SH2D4A: variants seen among roughly 807,000 people sequenced by gnomAD.
SH2D4A encodes the protein SH2 domain-containing protein 4A.
Under a neutral mutation model 64.7 loss-of-function variants are expected in SH2D4A, and 70 were observed. That is an observed-to-expected ratio of 1.08 (90% CI 0.89 to 1.32). SH2D4A has a LOEUF of 1.32. Ranked by LOEUF, SH2D4A falls within the 40% of genes most tolerant of loss-of-function variation. The pLI is 0.00. For missense variants in SH2D4A, 706 were observed against 540.1 expected, an observed-to-expected ratio of 1.31 and a Z score of -3.04; for synonymous variants, 268 against 200.7, an observed-to-expected ratio of 1.34 and a Z score of -2.83.
At chr8:19,356,569 C>T (rs2052795155) in intron 4 of SH2D4A, among the ~76,000 whole-genome samples, 1 of 152,146 alleles carries the variant, frequency 6.6e-6, no homozygotes. Context: ...ACTTGTGATG[C>T]CAGAGGGTTG....
At chr8:19,348,019 A>G (rs991399586) in intron 4 of SH2D4A, among the ~76,000 whole-genome samples, 3 of 152,208 alleles carry the variant, frequency 2.0e-5, no homozygotes, top group Non-Finnish European at 4.4e-5. Flanking sequence ...AATGATCACA[A>G]AAACACGCCA....
chr8:19,314,156 T>G (rs2052045415), intron 1 of SH2D4A: 1 of 1,027,912 alleles, frequency 9.7e-7, no homozygotes, highest in South Asian at 4.7e-5. Context: ...CTGCCGGGGC[T>G]GAGGACCTTC....
In SH2D4A at chr8:19,381,665, T is replaced by C. The variant is rs540453170; in HGVS notation, c.1048+8005T>C. Among the ~76,000 whole-genome samples, 3 of 152,340 alleles carry C rather than the reference T, an allele frequency of 2.0e-5. No homozygotes were observed. In the East Asian group the frequency reaches 5.8e-4, roughly 29 times the overall value. The stretch of plus-strand genomic sequence containing the variant: ...TTTTATTTATTTTATCTAACAGCTA[T>C]AGCTAGAACTTACAGGAATAGTTGA... On this transcript the variant is annotated intron_variant, in intron 8 of 9. Coordinates refer to ENST00000265807, the MANE Select transcript of SH2D4A (RefSeq NM_022071.4).
intron 8 of SH2D4A, among the ~76,000 whole-genome samples, chr8:19,382,545 G>A (rs1056390722): frequency 1.3e-5 from 2 of 152,044 alleles, no homozygotes; most frequent in Non-Finnish European, 2.9e-5. Flanking sequence ...CAAACTGTAG[G>A]GTAATGTAAA....
chr8:19,320,697 C>G (rs1362560067), intron 2 of SH2D4A, among the ~76,000 whole-genome samples: 2 of 151,860 alleles, frequency 1.3e-5, no homozygotes, highest in Non-Finnish European at 2.9e-5. Flanking sequence ...ATTGTCCACC[C>G]TCCTCACTCC....
At chr8:19,361,156 T>TTTTG (rs2052878011) in intron 5 of SH2D4A, 47 bp from the exon 6 acceptor site, 1 of 1,169,006 alleles carries the variant, frequency 8.6e-7, no homozygotes, top group Non-Finnish European at 1.2e-6. Context: ...AAGGTTCTTT[T>TTTTG]TTTGTTTTGT....
intron 4 of SH2D4A, among the ~76,000 whole-genome samples, chr8:19,349,763 A>G (rs537768432): frequency 1.1e-4 from 16 of 152,328 alleles, no homozygotes; most frequent in Admixed American, 3.3e-4. Flanking sequence ...TGTTATTATT[A>G]TTTCTTGAGA....
At chr8:19,326,758 T>C (rs555153217) in intron 2 of SH2D4A, among the ~76,000 whole-genome samples, 1 of 152,108 alleles carries the variant, frequency 6.6e-6, no homozygotes, top group Non-Finnish European at 1.5e-5. Context: ...TCAGGTTGAA[T>C]CCAGTGGGGG....
chr8:19,381,132 C>G (rs1409596943), intron 8 of SH2D4A, among the ~76,000 whole-genome samples: 1 of 151,942 alleles, frequency 6.6e-6, no homozygotes, highest in Admixed American at 6.6e-5. Context: ...TCACTGCAAC[C>G]TCCACCTCTC....
chr8:19,335,001 A>T, intron 4 of SH2D4A, 144 bp downstream of exon 4: 1 of 1,022,804 alleles, frequency 9.8e-7, no homozygotes, highest in Non-Finnish European at 1.4e-6. Context: ...AAGATCCTCC[A>T]GGGCAGGCAC....
At chr8:19,323,926 G>A (rs963498767) in intron 2 of SH2D4A, among the ~76,000 whole-genome samples, 1 of 152,150 alleles carries the variant, frequency 6.6e-6, no homozygotes, top group African/African-American at 2.4e-5. Flanking sequence ...ACTTGGCCAG[G>A]GCAAACAGTA....
At chr8:19,361,165 G>T (rs1563201101) in intron 5 of SH2D4A, 38 bp from the exon 6 acceptor site, 3 of 1,315,414 alleles carry the variant, frequency 2.3e-6, no homozygotes, top group East Asian at 2.4e-5. Flanking sequence ...TTTTTGTTTT[G>T]TTTTGTTTTT....
chr8:19,355,547 C>T (rs143120595), intron 4 of SH2D4A, among the ~76,000 whole-genome samples: 9 of 152,252 alleles, frequency 5.9e-5, no homozygotes, highest in African/African-American at 1.9e-4. Context: ...TCTGTTGACC[C>T]GCATCTCATT....
chr8:19,353,182 A>G (rs1047039653), intron 4 of SH2D4A, among the ~76,000 whole-genome samples: 1 of 152,090 alleles, frequency 6.6e-6, no homozygotes, highest in African/African-American at 2.4e-5. Flanking sequence ...TGGTATAGAG[A>G]TAACTAAAGA....
At chr8:19,362,409 C>G (rs929982855) in intron 6 of SH2D4A, among the ~76,000 whole-genome samples, 3 of 152,122 alleles carry the variant, frequency 2.0e-5, no homozygotes, top group Non-Finnish European at 4.4e-5. Flanking sequence ...ACAAAGTAGT[C>G]ATGCGCTGTA....
At chr8:19,361,869 G>A (rs1170673832) in intron 6 of SH2D4A, among the ~76,000 whole-genome samples, 1 of 152,080 alleles carries the variant, frequency 6.6e-6, no homozygotes, top group Non-Finnish European at 1.5e-5. Flanking sequence ...AAGCACACAG[G>A]AATACCAGGC....
chr8:19,376,976 A>C (rs1350546737), intron 8 of SH2D4A, among the ~76,000 whole-genome samples: 1 of 152,188 alleles, frequency 6.6e-6, no homozygotes, highest in African/African-American at 2.4e-5. Context: ...TTTTAAACAC[A>C]AAGTACCAAG....
At chr8:19,343,525 A>G (rs562553536) in intron 4 of SH2D4A, among the ~76,000 whole-genome samples, 7 of 152,316 alleles carry the variant, frequency 4.6e-5, no homozygotes, top group African/African-American at 1.7e-4. Flanking sequence ...AAAAAATGAC[A>G]TGAGATAACA....
At chr8:19,379,783 C>T (rs2053261298) in intron 8 of SH2D4A, among the ~76,000 whole-genome samples, 1 of 152,154 alleles carries the variant, frequency 6.6e-6, no homozygotes, top group Non-Finnish European at 1.5e-5. Context: ...GTTGCCTAGG[C>T]TGGAGCGCAG....
Sources: gnomAD v4.1 joint callset for allele counts (sites outside exome capture counted in the v4.1 genomes callset) on GRCh38, gnomAD v4.1.1 for gene constraint, MANE v1.5 for transcripts, NCBI Gene and HGNC (gene_info 2026-07-23, HGNC 2026-07-21) for gene names.